The following PDE1C variants were observed in gnomAD, a reference collection of about 807,000 sequenced individuals.
PDE1C encodes dual specificity calcium/calmodulin-dependent 3',5'-cyclic nucleotide phosphodiesterase 1C.
Under a neutral mutation model 93.1 loss-of-function variants are expected in PDE1C, and 62 were observed. The observed-to-expected ratio is 0.67, with a 90% CI of 0.54 to 0.82. The LOEUF (loss-of-function observed/expected upper bound fraction) is 0.82. Among genes scored for constraint, PDE1C ranks in the 40% least tolerant of loss-of-function variants. The pLI is 0.00. For missense variants in PDE1C, 742 were observed against 884.6 expected (o/e 0.84, Z 2.04); for synonymous variants, 325 against 310.1 (o/e 1.05, Z -0.50).
chr7:32,414,222 A>G (rs1245491701), intron 1 of PDE1C, among the ~76,000 whole-genome samples: 2 of 151,874 alleles, frequency 1.3e-5, no homozygotes, highest in African/African-American at 2.4e-5. Context: ...CAAAAAAAAA[A>G]AAGGAAAAAT....
chr7:31,726,248 T>C, the PDE1C span, among the ~76,000 whole-genome samples: 1 of 152,006 alleles, frequency 6.6e-6, no homozygotes, highest in African/African-American at 2.4e-5. Flanking sequence ...TTTAATTTTG[T>C]AGAGATGGGG....
At chr7:31,768,725 T>C (rs4723102) in intron 17 of PDE1C, among the ~76,000 whole-genome samples, 41,121 of 152,068 alleles carry the variant, frequency 0.27, 5,765 homozygotes, top group Admixed American at 0.33. Context: ...ATTACTGATG[T>C]GCTCACCCCT....
intron 2 of PDE1C, among the ~76,000 whole-genome samples, chr7:31,882,635 C>T (rs1797393241): frequency 6.6e-6 from 1 of 152,192 alleles, no homozygotes; most frequent in South Asian, 2.1e-4. Context: ...AAAGTTTACT[C>T]TCAAACATAA....
intron 1 of PDE1C, among the ~76,000 whole-genome samples, chr7:32,363,405 G>T (rs1784174105): frequency 6.6e-6 from 1 of 152,214 alleles, no homozygotes; most frequent in Non-Finnish European, 1.5e-5. Context: ...TCTCCACCAT[G>T]GTCCTCTATT....
intron 1 of PDE1C, among the ~76,000 whole-genome samples, chr7:32,267,187 T>G (rs1203959523): frequency 1.3e-5 from 2 of 152,172 alleles, no homozygotes; most frequent in Non-Finnish European, 2.9e-5. Context: ...TGAGCAAGGC[T>G]GAGTGCAAGG....
the PDE1C span, among the ~76,000 whole-genome samples, chr7:31,710,914 C>T: frequency 2.6e-5 from 4 of 152,188 alleles, no homozygotes; most frequent in Non-Finnish European, 4.4e-5. Context: ...AGACTCTCCA[C>T]AAGTAAATGT....
chr7:32,396,478 A>G (rs1784841895), intron 1 of PDE1C, among the ~76,000 whole-genome samples: 1 of 151,396 alleles, frequency 6.6e-6, no homozygotes, highest in Non-Finnish European at 1.5e-5. Flanking sequence ...ACCTTGTGTC[A>G]AAAAACAAAA....
At chr7:31,705,986 A>ATTTTTTTTTTTTTTTTTTTTTTTTTTTT in the PDE1C span, among the ~76,000 whole-genome samples, 3 of 52,486 alleles carry the variant, frequency 5.7e-5, 1 homozygote, top group Non-Finnish European at 1.1e-4. Context: ...CAGACCAGTA[A>ATTTTTTTTTTTTTTTTTTTTTTTTTTTT]TTTTTTTTTT....
chr7:32,297,547 A>G (rs1217265690), intron 1 of PDE1C, among the ~76,000 whole-genome samples: 1 of 152,106 alleles, frequency 6.6e-6, no homozygotes, highest in Non-Finnish European at 1.5e-5. Context: ...ATCCCTCACA[A>G]GTAGTTTCAA....
intron 9 of PDE1C, among the ~76,000 whole-genome samples, chr7:31,839,882 C>T (rs1791623670): frequency 6.6e-6 from 1 of 152,100 alleles, no homozygotes; most frequent in Non-Finnish European, 1.5e-5. Flanking sequence ...ACTAAAAATA[C>T]AAAAATTAGC....
chr7:32,104,779 T>C (rs936522872), intron 3 of PDE1C, among the ~76,000 whole-genome samples: 3 of 152,170 alleles, frequency 2.0e-5, no homozygotes, highest in Non-Finnish European at 4.4e-5. Flanking sequence ...TTGATAAATC[T>C]ATATTAATTT....
intron 16 of PDE1C, chr7:31,786,626 C>T (rs1783970373): frequency 6.6e-6 from 1 of 152,140 alleles, no homozygotes; most frequent in Non-Finnish European, 1.5e-5. Context: ...ACTGCGTCTC[C>T]TGTGGGGTGT....
At chr7:32,329,696 A>T (rs1783474698) in intron 1 of PDE1C, among the ~76,000 whole-genome samples, 1 of 152,252 alleles carries the variant, frequency 6.6e-6, no homozygotes, top group Non-Finnish European at 1.5e-5. Flanking sequence ...TACCCAGGAA[A>T]AATGAGCATA....
chr7:31,627,593 G>C, the PDE1C span, among the ~76,000 whole-genome samples: 1 of 143,440 alleles, frequency 7.0e-6, no homozygotes, highest in East Asian at 2.1e-4. Flanking sequence ...AGGAGGTCAT[G>C]GCTACGCAGT....
At chr7:32,196,825 C>A (rs889970574) in intron 2 of PDE1C, among the ~76,000 whole-genome samples, 1 of 152,146 alleles carries the variant, frequency 6.6e-6, no homozygotes, top group Non-Finnish European at 1.5e-5. Context: ...CTGAATAAGA[C>A]AATTCAGTAG....
chr7:32,056,389 A>ACT (rs1490528043), intron 1 of PDE1C, among the ~76,000 whole-genome samples: 1 of 151,196 alleles, frequency 6.6e-6, no homozygotes, highest in Admixed American at 6.6e-5. Flanking sequence ...ACACACACAC[A>ACT]CACACACACA....
chr7:31,669,995 G>A, the PDE1C span, among the ~76,000 whole-genome samples: 1 of 152,154 alleles, frequency 6.6e-6, no homozygotes, highest in African/African-American at 2.4e-5. Flanking sequence ...GACTCCTCCA[G>A]CCTTCCTTCC....
the PDE1C span, among the ~76,000 whole-genome samples, chr7:31,670,918 G>T: frequency 6.6e-6 from 1 of 152,242 alleles, no homozygotes; most frequent in African/African-American, 2.4e-5. Context: ...GAGAGGAGCA[G>T]CTTGAGTTCA....
intron 1 of PDE1C, among the ~76,000 whole-genome samples, chr7:32,323,477 G>A (rs1401324616): frequency 1.3e-5 from 2 of 152,116 alleles, no homozygotes; most frequent in Non-Finnish European, 2.9e-5. Context: ...GACCTAGGTG[G>A]GCAGGAAAAT....
Sources: allele counts gnomAD v4.1 joint callset (sites outside exome capture counted in the v4.1 genomes callset), GRCh38; gene constraint gnomAD v4.1.1; transcripts MANE v1.5; gene names NCBI Gene and HGNC (gene_info 2026-07-23, HGNC 2026-07-21).